Variants in ZNF14 observed in about 807,000 individuals in gnomAD.
The protein encoded by ZNF14 is gonadotropin inducible transcription repressor-4.
Under a neutral mutation model 11.3 loss-of-function variants are expected in ZNF14, and 9 were observed. The observed-to-expected ratio is 0.80, with a 90% CI of 0.48 to 1.39. The LOEUF is 1.39. Ranked by LOEUF, ZNF14 falls within the 40% of genes most tolerant of loss-of-function variation. The pLI is 0.00. For missense variants in ZNF14, 711 were observed against 763.9 expected (o/e 0.93, Z 0.82); for synonymous variants, 239 against 245.7 (o/e 0.97, Z 0.25).
At chr19:19,729,415 A>C (rs1210319722) in intron 1 of ZNF14, among the ~76,000 whole-genome samples, 1 of 151,798 alleles carries the variant, frequency 6.6e-6, no homozygotes, top group East Asian at 1.9e-4. Flanking sequence ...TCCTGGGTTC[A>C]AGCAATTCTC....
At position 19,717,344 on chromosome 19, in the gene ZNF14, T is replaced by C. The variant is rs73541334; in HGVS notation, c.4-2857A>G. On this transcript the variant is annotated intron_variant, in intron 1 of 3. Transcript: ENST00000344099. The stretch of plus-strand genomic sequence containing the variant: ...CCCATTGGTCGGTATGCAGAGCAGG[T>C]GGGATGTTTCCATGCATTCCCTGGG... 7.2e-5 allele frequency among the ~76,000 whole-genome samples: 11 copies of C among 152,286 alleles called. No homozygotes were observed. The East Asian group carries it at 2.1e-3, about 29-fold the overall frequency.
chr19:19,712,350 C>G lies in ZNF14; in HGVS notation c.931G>C (p.Glu311Gln), dbSNP rs748017658. ...HSGEKPYECK[E>Q]CGKAFFYSAS... ...GAATAAAAGAAGGCTTTTCCACATT[C>G]TTTACATTCATAGGGTTTCTCTCCA... is the stretch of plus-strand genomic sequence containing the variant. The change falls in exon 4 of 4, where the codon GAA (glutamate) becomes CAA (glutamine). Residue 311 changes from glutamate (E) to glutamine (Q), a missense_variant. Coordinates refer to ENST00000344099, the MANE Select transcript of ZNF14 (RefSeq NM_021030.3). 2 of 1,613,102 alleles carry G rather than the reference C, an allele frequency of 1.2e-6. No individual in the cohort carries two copies. The highest frequency in any genetic ancestry group is 2.2e-5 in the South Asian group (2 of 90,938).
rs964259780 is a variant in ZNF14, at chr19:19,712,240, A to G, written c.1041T>C (p.Ser347=). 2 of 1,613,862 alleles carry G rather than the reference A, an allele frequency of 1.2e-6. No individual in the cohort carries two copies. The highest frequency in any genetic ancestry group is 2.7e-5 in the African/African-American group (2 of 74,992). The part of the protein sequence containing the change: ...CKECGKAFNS[S]NSCRVHERTH... ...TTCTTTCATGCACTCGACAGGAATT[A>G]GAAGAGTTGAAGGCTTTCCCACATT... The change falls in exon 4 of 4, where the codon TCT becomes TCC. Residue 347 remains serine, a synonymous_variant. Coordinates refer to ENST00000344099, the MANE Select transcript of ZNF14 (RefSeq NM_021030.3).
intron 1 of ZNF14, among the ~76,000 whole-genome samples, chr19:19,717,003 C>T (rs990271304): frequency 1.1e-4 from 16 of 152,078 alleles, no homozygotes; most frequent in African/African-American, 3.4e-4. Flanking sequence ...GTGTCTTTTC[C>T]AACGCCATTC....
At chr19:19,729,345 T>G (rs1599473012) in intron 1 of ZNF14, among the ~76,000 whole-genome samples, 1 of 151,264 alleles carries the variant, frequency 6.6e-6, no homozygotes. Flanking sequence ...TGAGGCAGTC[T>G]TCCTCTGTCA....
intron 1 of ZNF14, among the ~76,000 whole-genome samples, chr19:19,722,793 G>A (rs1216130973): frequency 1.3e-5 from 2 of 152,132 alleles, no homozygotes; most frequent in East Asian, 1.9e-4. Flanking sequence ...TCCTTGAAGA[G>A]GTCCTTCACA....
chr19:19,720,394 G>A lies in ZNF14; in HGVS notation c.4-5907C>T, dbSNP rs1303664736. On this transcript the variant is annotated intron_variant, in intron 1 of 3. Coordinates refer to ENST00000344099, the MANE Select transcript of ZNF14 (RefSeq NM_021030.3). This position sits in a 1 kb window ranked among gnomAD's most constrained non-coding sequence, Gnocchi z 4.1. The stretch of plus-strand genomic sequence containing the variant: ...TCGCTCTTGTTGCCCAGGCTGGAGT[G>A]CAATGACACAACCTCGGGTCACTGC... 2.0e-5 allele frequency among the ~76,000 whole-genome samples: 3 copies of A among 149,708 alleles called. No individual in the cohort carries two copies. Among genetic ancestry groups the A allele is most frequent in the Admixed American group, 2.0e-4 (3 of 14,980 alleles).
chr19:19,723,543 C>T (rs892121767), intron 1 of ZNF14, among the ~76,000 whole-genome samples: 1 of 151,658 alleles, frequency 6.6e-6, no homozygotes, highest in African/African-American at 2.4e-5. Context: ...CTAAAATTCT[C>T]TTTTTTTTGT....
At chr19:19,721,484 G>T (rs1212262108) in intron 1 of ZNF14, among the ~76,000 whole-genome samples, 1 of 152,128 alleles carries the variant, frequency 6.6e-6, no homozygotes, top group East Asian at 1.9e-4. Flanking sequence ...ACTAGACCTA[G>T]ATTTGTTACA....
At chr19:19,718,124 G>C (rs1024903170) in intron 1 of ZNF14, among the ~76,000 whole-genome samples, 6 of 152,260 alleles carry the variant, frequency 3.9e-5, no homozygotes, top group African/African-American at 1.2e-4. Context: ...ATACAAAAAG[G>C]TTTTAAGAAC....
rs1184455796 is a variant in ZNF14, at chr19:19,726,750, A to G, written c.3+6206T>C. On this transcript the variant is annotated intron_variant, in intron 1 of 3. Coordinates refer to ENST00000344099, the MANE Select transcript of ZNF14 (RefSeq NM_021030.3). ...GAGCTCCACCCAGTTCGAGCTTCCC[A>G]GCCGCTTTGTTTACCTACTCAAGCC... Among the ~76,000 whole-genome samples the G allele has an allele frequency of 3.0e-5, 4 of 132,992 alleles. 1 individual carries two copies. The highest frequency in any genetic ancestry group is 1.1e-4 in the African/African-American group (4 of 35,950). The allele number at this position is 132,992 out of a possible 152,430, so 87.2% of individuals were successfully genotyped here. A position where few individuals can be genotyped will look rare whatever the true frequency, so the allele number is the denominator to read the frequency against.
intron 1 of ZNF14, among the ~76,000 whole-genome samples, chr19:19,716,947 AT>A (rs1013508503): frequency 5.9e-5 from 9 of 152,224 alleles, no homozygotes; most frequent in Non-Finnish European, 1.2e-4. Flanking sequence ...ACACAGAAGC[AT>A]GTGTGAAGGT....
intron 1 of ZNF14, among the ~76,000 whole-genome samples, chr19:19,730,302 C>T (rs978693778): frequency 6.6e-6 from 1 of 152,084 alleles, no homozygotes; most frequent in Non-Finnish European, 1.5e-5. Flanking sequence ...GCTGGGATTA[C>T]AGGCGTGACC....
chr19:19,724,840 CTTCT>C (rs1370916009), intron 1 of ZNF14, among the ~76,000 whole-genome samples: 1 of 132,996 alleles, frequency 7.5e-6, no homozygotes, highest in Non-Finnish European at 1.7e-5. Flanking sequence ...ATGTAATGGC[CTTCT>C]TTGTCTCTTT....
chr19:19,718,542 G>C (rs1407357730), intron 1 of ZNF14, among the ~76,000 whole-genome samples: 1 of 151,964 alleles, frequency 6.6e-6, no homozygotes, highest in African/African-American at 2.4e-5. Context: ...CTAAAGACAA[G>C]AAAGAAACAG....
At chr19:19,713,763 T>TTTTTTTTTTTTTTTA (rs1555761279) in intron 3 of ZNF14, among the ~76,000 whole-genome samples, 1 of 148,916 alleles carries the variant, frequency 6.7e-6, no homozygotes, top group Non-Finnish European at 1.5e-5. Flanking sequence ...TTTTTTTTTT[T>TTTTTTTTTTTTTTTA]CCCCAGATGA....
Position 19,714,134 on chromosome 19 carries a change from G to A in ZNF14, c.148C>T (p.Gln50Ter), listed in dbSNP as rs771643340. 1 of 1,612,854 alleles carries A rather than the reference G, an allele frequency of 6.2e-7. No homozygotes were observed. Among genetic ancestry groups the A allele is most frequent in the Non-Finnish European group, 8.5e-7 (1 of 1,179,598 alleles). ...LVCLGKKWEDQDIEDDHRNQG... is the reference protein window; with the variant it reads ...LVCLGKKWED The stretch of plus-strand genomic sequence containing the variant: ...TTTCTGTGGTCATCTTCAATGTCCT[G>A]GTCTTCCCACTTTTTTCCTAAAATG... The change falls in exon 3 of 4, where the codon CAG becomes TAG. Residue 50 changes from glutamine (Q) to a stop codon, truncating the protein, a stop_gained. Transcript: ENST00000344099. LOFTEE classifies it low-confidence loss of function (END_TRUNC).
Position 19,732,941 on chromosome 19 carries a change from G to A in ZNF14, c.3+15C>T. 1 of 1,613,470 alleles carries A rather than the reference G, an allele frequency of 6.2e-7. No individual in the cohort carries two copies. Reference sequence around the variant, plus strand: ...ACCAGAAACCTCCCCTCGGACACTGGCCCCGCACACTCACCATTTCCCAGC... The same window carrying A: ...ACCAGAAACCTCCCCTCGGACACTGACCCCGCACACTCACCATTTCCCAGC... On this transcript the variant is annotated intron_variant, in intron 1 of 3. Coordinates refer to ENST00000344099, the MANE Select transcript of ZNF14 (RefSeq NM_021030.3).
chr19:19,712,474 A>G lies in ZNF14; in HGVS notation c.807T>C (p.His269=), dbSNP rs1351481928. Residue 269 remains histidine, a synonymous_variant, in exon 4 of 4, where the codon CAT becomes CAC. Coordinates refer to ENST00000344099, the MANE Select transcript of ZNF14 (RefSeq NM_021030.3). ...AFSCPTYFRT[H]ERTHTGEKPY... ...GTTTTTCTCCAGTGTGAGTTCTTTC[A>G]TGAGTTCGAAAGTATGTGGGACAAC... 4 of 1,559,428 alleles carry G rather than the reference A, an allele frequency of 2.6e-6. No individual in the cohort carries two copies. The Admixed American group carries it at 5.1e-5, about 20-fold the overall frequency.
Sources: allele counts gnomAD v4.1 joint callset (sites outside exome capture counted in the v4.1 genomes callset), GRCh38; gene constraint gnomAD v4.1.1; non-coding constraint Gnocchi (gnomAD v3.1); transcripts MANE v1.5; gene names NCBI Gene and HGNC (gene_info 2026-07-23, HGNC 2026-07-21).